The following SPP2 variants were observed in gnomAD, a reference collection of about 807,000 sequenced individuals.
The protein encoded by SPP2 is secreted phosphoprotein 24.
Under a neutral mutation model 28.8 loss-of-function variants are expected in SPP2, and 34 were observed. That is an observed-to-expected ratio of 1.18 (90% CI 0.90 to 1.57). SPP2 has a LOEUF of 1.57. Among genes scored for constraint, SPP2 ranks in the 40% most tolerant of loss-of-function variants. The pLI is 0.00. For synonymous variants in SPP2, 96 were observed against 89.4 expected, an observed-to-expected ratio of 1.07 and a Z score of -0.42; for missense variants, 269 against 263.9, an observed-to-expected ratio of 1.02 and a Z score of -0.13.
At chr2:234,058,524 C>T (rs530064469) in intron 2 of SPP2, among the ~76,000 whole-genome samples, 1 of 152,146 alleles carries the variant, frequency 6.6e-6, no homozygotes, top group Admixed American at 6.5e-5. Flanking sequence ...GGTGAGTTTG[C>T]CAATATGGAA....
At chr2:234,072,491 T>A (rs978684242) in intron 7 of SPP2, among the ~76,000 whole-genome samples, 1 of 152,242 alleles carries the variant, frequency 6.6e-6, no homozygotes, top group Non-Finnish European at 1.5e-5. Flanking sequence ...ATGATAACGT[T>A]GGATGTGTAT....
intron 4 of SPP2, among the ~76,000 whole-genome samples, chr2:234,063,127 G>T (rs1693752257): frequency 6.6e-6 from 1 of 151,816 alleles, no homozygotes; most frequent in South Asian, 2.1e-4. Context: ...AAACAGAGAA[G>T]AAATGAGAGA....
intron 7 of SPP2, among the ~76,000 whole-genome samples, chr2:234,071,564 T>C (rs1170050999): frequency 1.3e-5 from 2 of 152,246 alleles, no homozygotes; most frequent in Admixed American, 6.5e-5. Context: ...GTCGATTCCA[T>C]GCATAGGTAT....
chr2:234,063,341 T>C (rs1465238583), intron 4 of SPP2, among the ~76,000 whole-genome samples: 2 of 150,948 alleles, frequency 1.3e-5, no homozygotes, highest in Non-Finnish European at 3.0e-5. Flanking sequence ...ATTTCCAGAG[T>C]AAGGAATATA....
intron 7 of SPP2, among the ~76,000 whole-genome samples, chr2:234,072,076 A>G (rs1484033560): frequency 2.0e-5 from 3 of 152,158 alleles, no homozygotes; most frequent in African/African-American, 7.2e-5. Context: ...AATAAATAGC[A>G]CTCAGTAAAT....
chr2:234,064,245 CTG>C (rs1157208456), intron 4 of SPP2, among the ~76,000 whole-genome samples: 1 of 57,106 alleles, frequency 1.8e-5, no homozygotes, highest in Non-Finnish European at 4.1e-5. Context: ...CCTCCTTCCT[CTG>C]TCTCTCTCTC....
intron 6 of SPP2, among the ~76,000 whole-genome samples, chr2:234,068,702 CTTT>C (rs35373190): frequency 5.5e-5 from 7 of 128,408 alleles, no homozygotes; most frequent in Admixed American, 3.0e-4. Context: ...GAATCCATGG[CTTT>C]TTTTTTTTTT....
chr2:234,069,602 A>G (rs1693893385), intron 6 of SPP2, among the ~76,000 whole-genome samples: 1 of 152,196 alleles, frequency 6.6e-6, no homozygotes, highest in Non-Finnish European at 1.5e-5. Flanking sequence ...TGTGTGTGAC[A>G]AACACTGGGT....
At chr2:234,058,458 C>T (rs1476395028) in intron 2 of SPP2, among the ~76,000 whole-genome samples, 1 of 152,122 alleles carries the variant, frequency 6.6e-6, no homozygotes, top group Non-Finnish European at 1.5e-5. Context: ...TAGATGATTG[C>T]CAAAGTAAGT....
In SPP2 at chr2:234,064,983, A is replaced by C. The variant is rs145550794; in HGVS notation, c.445-1550A>C. The stretch of plus-strand genomic sequence containing the variant: ...TTTGCTTATTTCTCCCTTTTTGGCT[A>C]TCATAGATAATGAGGCTAGAAGCAT... On this transcript the variant is annotated intron_variant, in intron 4 of 7. Coordinates refer to ENST00000168148, the MANE Select transcript of SPP2 (RefSeq NM_006944.3). 7.5e-3 allele frequency among the ~76,000 whole-genome samples: 1,136 copies of C among 152,314 alleles called. 12 individuals carry two copies. The highest frequency in any genetic ancestry group is 0.026 in the African/African-American group (1,087 of 41,552).
intron 2 of SPP2, among the ~76,000 whole-genome samples, chr2:234,054,271 G>A (rs1574822064): frequency 6.6e-6 from 1 of 152,218 alleles, no homozygotes; most frequent in East Asian, 1.9e-4. Context: ...AGCGGTCAGA[G>A]AGGTGGGCAT....
rs1261837202 is a variant in SPP2 at position 234,058,898 on chromosome 2, A to G, written c.273A>G (p.Thr91=). The change falls in exon 3 of 8, where the codon ACA becomes ACG. Residue 91 remains threonine (T), a synonymous_variant. Transcript: ENST00000168148. The part of the protein sequence containing the change: ...MNLEFSIRET[T]CRKDSGEDPA... ...TAGAGTTCAGCATCCGGGAGACTAC[A>G]TGCAGGAAGGATTCTGGAGAAGATC... is the stretch of plus-strand genomic sequence containing the variant. 6.2e-6 allele frequency: 10 copies of G among 1,614,040 alleles called. No homozygotes were observed. Among genetic ancestry groups the G allele is most frequent in the Admixed American group, 3.3e-5 (2 of 60,006 alleles).
At chr2:234,071,567 A>G (rs1196677401) in intron 7 of SPP2, among the ~76,000 whole-genome samples, 11 of 152,268 alleles carry the variant, frequency 7.2e-5, no homozygotes, top group African/African-American at 2.7e-4. Context: ...GATTCCATGC[A>G]TAGGTATTTT....
chr2:234,067,151 A>G, intron 5 of SPP2, 73 bp from the exon 6 acceptor site: 2 of 1,371,456 alleles, frequency 1.5e-6, no homozygotes, highest in Non-Finnish European at 1.0e-6. Flanking sequence ...TATTTGTGGC[A>G]TTAACAGTAA....
intron 6 of SPP2, among the ~76,000 whole-genome samples, chr2:234,069,622 G>T (rs1374028465): frequency 6.6e-6 from 1 of 152,038 alleles, no homozygotes; most frequent in Non-Finnish European, 1.5e-5. Flanking sequence ...TAGATCCCTT[G>T]GAGGACTGAA....
chr2:234,072,789 C>A (rs1352140032), intron 7 of SPP2, among the ~76,000 whole-genome samples: 2 of 152,162 alleles, frequency 1.3e-5, no homozygotes, highest in South Asian at 2.1e-4. Flanking sequence ...AGCCTGCTCT[C>A]CCATCTGTAA....
rs745342040 is a variant in SPP2, at chr2:234,051,006, A to C, written c.121A>C (p.Arg41=). The C allele has an allele frequency of 1.2e-6, 2 of 1,613,958 alleles. No homozygotes were observed. The highest frequency in any genetic ancestry group is 2.2e-5 in the South Asian group (2 of 91,072). The change falls in exon 2 of 8, where the codon AGG becomes CGG. Residue 41 remains arginine, a synonymous_variant. Transcript: ENST00000168148. ...GTACGACTACGATCCATCCTCCTTA[A>C]GGGATGCCCTCAGTGCCTCTGTGGT... ...PVYDYDPSSL[R]DALSASVVKV... is the part of the protein sequence containing the mutation.
At chr2:234,051,721 T>C (rs562813838) in intron 2 of SPP2, among the ~76,000 whole-genome samples, 3 of 152,182 alleles carry the variant, frequency 2.0e-5, no homozygotes, top group Non-Finnish European at 4.4e-5. Flanking sequence ...ATGGGGCTCA[T>C]TTGGAGGTAG....
rs1437871157 is a variant in SPP2, at chr2:234,052,622, A to G, written c.210+1527A>G. Among the ~76,000 whole-genome samples, 6 of 152,114 alleles carry G rather than the reference A, an allele frequency of 3.9e-5. No homozygotes were observed. The East Asian group carries it at 1.2e-3, about 29-fold the overall frequency. The stretch of plus-strand genomic sequence containing the variant: ...GCACATGCACCTAAAAATAGATACA[A>G]TTATATGCGATGTGTGTGACTCTTG... On this transcript the variant is annotated intron_variant, in intron 2 of 7. Transcript: ENST00000168148.
Sources: gnomAD v4.1 joint callset for allele counts (sites outside exome capture counted in the v4.1 genomes callset) on GRCh38, gnomAD v4.1.1 for gene constraint, MANE v1.5 for transcripts, NCBI Gene and HGNC (gene_info 2026-07-23, HGNC 2026-07-21) for gene names.